Variants in SH3PXD2A observed in about 807,000 individuals in gnomAD.
SH3PXD2A encodes SH3 and PX domains 2A.
Under a neutral mutation model 115.2 loss-of-function variants are expected in SH3PXD2A, and 32 were observed. The ratio of observed to expected loss-of-function variants is 0.28; its 90% confidence interval spans 0.21 to 0.37. The LOEUF (loss-of-function observed/expected upper bound fraction) is 0.37, where lower values mean the gene tolerates loss of function less well. Ranked by LOEUF, SH3PXD2A falls within the 10% of genes least tolerant of loss-of-function variation. The pLI is 1.00. For synonymous variants in SH3PXD2A, 610 were observed against 629.1 expected, an observed-to-expected ratio of 0.97 and a Z score of 0.45; for missense variants, 1,328 against 1,498.7, an observed-to-expected ratio of 0.89 and a Z score of 1.88.
At chr10:103,674,857 TAAAAC>T (rs2037511752) in intron 6 of SH3PXD2A, among the ~76,000 whole-genome samples, 1 of 148,892 alleles carries the variant, frequency 6.7e-6, no homozygotes, top group Non-Finnish European at 1.5e-5. Context: ...CAAAACAAAA[TAAAAC>T]AAAACAAAAA....
At chr10:103,730,029 G>T (rs992901541) in intron 4 of SH3PXD2A, among the ~76,000 whole-genome samples, 3 of 152,212 alleles carry the variant, frequency 2.0e-5, no homozygotes, top group Non-Finnish European at 4.4e-5. Flanking sequence ...ACATGCAAGT[G>T]GCACAGGAGG....
chr10:103,740,790 TC>T (rs954286741), intron 3 of SH3PXD2A, among the ~76,000 whole-genome samples: 2 of 152,122 alleles, frequency 1.3e-5, no homozygotes, highest in African/African-American at 4.8e-5. Flanking sequence ...TTGGAAGACT[TC>T]CCCCTGCCTT....
chr10:103,694,773 G>A (rs1592305378), intron 5 of SH3PXD2A, among the ~76,000 whole-genome samples: 1 of 152,298 alleles, frequency 6.6e-6, no homozygotes, highest in East Asian at 1.9e-4. Context: ...ACTGCAGCGT[G>A]GATGGTGTGG....
intron 3 of SH3PXD2A, among the ~76,000 whole-genome samples, chr10:103,761,964 G>C (rs2038704027): frequency 6.6e-6 from 1 of 150,830 alleles, no homozygotes; most frequent in Admixed American, 6.6e-5. Context: ...GGGAAGGTAT[G>C]CAGAGTGGCT....
chr10:103,711,094 A>G lies in SH3PXD2A; in HGVS notation c.398+13176T>C, dbSNP rs115122494. Among the ~76,000 whole-genome samples the G allele has an allele frequency of 4.7e-3, 723 of 152,282 alleles. 7 individuals carry two copies. Among genetic ancestry groups the G allele is most frequent in the African/African-American group, 0.017 (702 of 41,564 alleles). ...TGGCACATAGCTGGTGGGGGGCTGA[A>G]CCAGGATCTGAAGTTACACCTGTGA... is the stretch of plus-strand genomic sequence containing the variant. On this transcript the variant is annotated intron_variant, in intron 5 of 14. Coordinates refer to ENST00000369774, the MANE Select transcript of SH3PXD2A (RefSeq NM_001394015.1).
rs927980496 is a variant in SH3PXD2A, at chr10:103,718,562, G to A, written c.398+5708C>T. Among the ~76,000 whole-genome samples, 3 of 152,216 alleles carry A rather than the reference G, an allele frequency of 2.0e-5. No individual in the cohort carries two copies. The East Asian group carries it at 5.8e-4, about 29-fold the overall frequency. ...GCCTGCCTCCCCACTTGGCTGCATG[G>A]CCTGGGGAAGTCAGGTAACTGCTAG... On this transcript the variant is annotated intron_variant, in intron 5 of 14. Transcript: ENST00000369774.
At chr10:103,642,312 C>T (rs2036967728) in intron 8 of SH3PXD2A, among the ~76,000 whole-genome samples, 1 of 152,196 alleles carries the variant, frequency 6.6e-6, no homozygotes, top group Non-Finnish European at 1.5e-5. Context: ...GAGGCTGAGC[C>T]TGTGGCCCGC....
chr10:103,731,140 A>C (rs1346552869), intron 4 of SH3PXD2A, among the ~76,000 whole-genome samples: 1 of 144,056 alleles, frequency 6.9e-6, no homozygotes, highest in Non-Finnish European at 1.5e-5. Context: ...GGGCAGCAGG[A>C]CTCCTCTGAA....
intron 5 of SH3PXD2A, among the ~76,000 whole-genome samples, chr10:103,716,367 C>T (rs1024556682): frequency 6.6e-6 from 1 of 152,042 alleles, no homozygotes; most frequent in Admixed American, 6.5e-5. Flanking sequence ...GGCCTGGCCT[C>T]AGTCCATCCT....
At chr10:103,790,699 G>T (rs2039027073) in intron 2 of SH3PXD2A, among the ~76,000 whole-genome samples, 1 of 152,140 alleles carries the variant, frequency 6.6e-6, no homozygotes. Context: ...ACTCGGTTTT[G>T]TTTTTTAGAA....
In SH3PXD2A at chr10:103,640,513, A is replaced by G. The variant is rs143961152; in HGVS notation, c.605-13311T>C. ...GGGACAGCATGGACAGGCTGCCTCA[A>G]TGCACTCTCACCAGCTGGCCGCAGA... On this transcript the variant is annotated intron_variant, in intron 8 of 14. Transcript: ENST00000369774. Among the ~76,000 whole-genome samples, 318 of 152,150 alleles carry G rather than the reference A, an allele frequency of 2.1e-3. 1 individual carries two copies. Among genetic ancestry groups the G allele is most frequent in the African/African-American group, 7.4e-3 (307 of 41,498 alleles).
At position 103,661,134 on chromosome 10, in the gene SH3PXD2A, C is replaced by T. The variant is rs760027855; in HGVS notation, c.473-20G>A. On this transcript the variant is annotated intron_variant, in intron 7 of 14. Transcript: ENST00000369774. ...CGGCACCTGGCGAGGGCAGAAAGCA[C>T]GCGGTGAGCCAGCGGCCAGCCATGG... The T allele has an allele frequency of 6.8e-6, 11 of 1,609,356 alleles. No homozygotes were observed. Among genetic ancestry groups the T allele is most frequent in the Admixed American group, 5.0e-5 (3 of 59,786 alleles).
chr10:103,631,204 G>C (rs1469403746), intron 8 of SH3PXD2A, among the ~76,000 whole-genome samples: 1 of 152,146 alleles, frequency 6.6e-6, no homozygotes, highest in Non-Finnish European at 1.5e-5. Context: ...GTTTAAGGCT[G>C]CAGTGAGCTA....
intron 1 of SH3PXD2A, among the ~76,000 whole-genome samples, chr10:103,837,928 C>T (rs953384190): frequency 1.3e-5 from 2 of 152,152 alleles, no homozygotes; most frequent in African/African-American, 4.8e-5. Context: ...CCTCTTGGGG[C>T]CCTCGCCAAG....
chr10:103,696,243 C>T (rs186493089), intron 5 of SH3PXD2A, among the ~76,000 whole-genome samples: 78 of 152,312 alleles, frequency 5.1e-4, no homozygotes, highest in Non-Finnish European at 9.4e-4. Flanking sequence ...TAATAGGAGA[C>T]CTTCTGGAAG....
In SH3PXD2A at chr10:103,681,870, G is replaced by A. The variant is rs2037615187; in HGVS notation, c.427+11158C>T. Among the ~76,000 whole-genome samples, 3 of 152,264 alleles carry A rather than the reference G, an allele frequency of 2.0e-5. No individual in the cohort carries two copies. In the South Asian group the frequency reaches 6.2e-4, roughly 32 times the overall value. On this transcript the variant is annotated intron_variant, in intron 6 of 14. Transcript: ENST00000369774. ...TGGGTGGACTGCTTGAGGAGCTTGG[G>A]AGTTTGAGACCAGCCTGGGCAATAT... is the stretch of plus-strand genomic sequence containing the variant.
At chr10:103,773,041 T>G (rs926034701) in intron 2 of SH3PXD2A, among the ~76,000 whole-genome samples, 4 of 152,066 alleles carry the variant, frequency 2.6e-5, no homozygotes, top group African/African-American at 9.7e-5. Flanking sequence ...CCTGACCACA[T>G]GGTGAAACCC....
chr10:103,638,680 C>T (rs1051453145), intron 8 of SH3PXD2A, among the ~76,000 whole-genome samples: 1 of 152,218 alleles, frequency 6.6e-6, no homozygotes, highest in African/African-American at 2.4e-5. Context: ...AGTGTTGTTA[C>T]GAGGATTAGA....
At chr10:103,819,067 C>A (rs1279472644) in intron 1 of SH3PXD2A, among the ~76,000 whole-genome samples, 2 of 152,214 alleles carry the variant, frequency 1.3e-5, no homozygotes, top group Non-Finnish European at 2.9e-5. Flanking sequence ...CTCAGTAAAG[C>A]CATGTTACTT....
Sources: allele counts gnomAD v4.1 joint callset (sites outside exome capture counted in the v4.1 genomes callset), GRCh38; gene constraint gnomAD v4.1.1; transcripts MANE v1.5; gene names NCBI Gene and HGNC (gene_info 2026-07-23, HGNC 2026-07-21).